The following MACROD2 variants were observed in gnomAD, a reference collection of about 807,000 sequenced individuals.
The protein encoded by MACROD2 is ADP-ribose glycohydrolase MACROD2.
Under a neutral mutation model 70.4 loss-of-function variants are expected in MACROD2, and 36 were observed. The ratio of observed to expected loss-of-function variants is 0.51; its 90% CI spans 0.39 to 0.68. The LOEUF (loss-of-function observed/expected upper bound fraction) is 0.68, where lower values mean the gene tolerates loss of function less well. Among genes scored for constraint, MACROD2 ranks in the 30% least tolerant of loss-of-function variants. The probability of loss-of-function intolerance (pLI) is 0.00; values close to 1 mark genes in which losing one functional copy is unlikely to be tolerated. For synonymous variants in MACROD2, 172 were observed against 178.8 expected (o/e 0.96, Z 0.30); for missense variants, 496 against 538.4 (o/e 0.92, Z 0.78).
At position 14,777,574 on chromosome 20, in the gene MACROD2, A is replaced by G. The variant is rs2072249754; in HGVS notation, c.418+92615A>G. Among the ~76,000 whole-genome samples, 4 of 152,046 alleles carry G rather than the reference A, an allele frequency of 2.6e-5. No individual in the cohort carries two copies. The South Asian group carries it at 8.3e-4, about 32-fold the overall frequency. On this transcript the variant is annotated intron_variant, in intron 5 of 17. Transcript: ENST00000684519. ...CTGAAATGAGTTTGAAAGCAGCCCG[A>G]TTCATATAGACCACACAAGTAAGAA... is the stretch of plus-strand genomic sequence containing the variant.
chr20:15,940,787 C>T (rs967671808), intron 12 of MACROD2, among the ~76,000 whole-genome samples: 2 of 152,168 alleles, frequency 1.3e-5, no homozygotes, highest in African/African-American at 4.8e-5. Context: ...AACCCTAGGT[C>T]ATCTTAGAGA....
chr20:14,846,606 C>T (rs1696411076), intron 5 of MACROD2, among the ~76,000 whole-genome samples: 1 of 151,402 alleles, frequency 6.6e-6, no homozygotes, highest in South Asian at 2.1e-4. Context: ...CAAGCTCTGC[C>T]TCCCGGGTTC....
At chr20:15,108,897 A>G (rs2075932843) in intron 5 of MACROD2, among the ~76,000 whole-genome samples, 4 of 151,824 alleles carry the variant, frequency 2.6e-5, no homozygotes, top group African/African-American at 9.7e-5. Context: ...TTACACAACT[A>G]GTGAGTGACA....
At chr20:16,015,525 G>A (rs1015520848) in intron 15 of MACROD2, among the ~76,000 whole-genome samples, 2 of 152,106 alleles carry the variant, frequency 1.3e-5, no homozygotes, top group Non-Finnish European at 2.9e-5. Flanking sequence ...ATTTTTCCAT[G>A]TAAATTTTAT....
rs554552947 is a variant in MACROD2, at chr20:15,994,141, T to C, written c.1153+6983T>C. ...ATACATTTGATAGACAGTGATAAAA[T>C]ACTAGGGTAGTATCAGAGTAGGGCA... On this transcript the variant is annotated intron_variant, in intron 15 of 17. Transcript: ENST00000684519. Among the ~76,000 whole-genome samples, 9 of 152,352 alleles carry C rather than the reference T, an allele frequency of 5.9e-5. No individual in the cohort carries two copies. In the South Asian group the frequency reaches 1.7e-3, roughly 28 times the overall value.
intron 3 of MACROD2, among the ~76,000 whole-genome samples, chr20:14,349,485 T>TTA (rs2083098777): frequency 6.7e-6 from 1 of 149,260 alleles, no homozygotes; most frequent in African/African-American, 2.4e-5. Flanking sequence ...CATTCTTCTT[T>TTA]TATATATATA....
At chr20:15,389,258 TACTG>T (rs1304148964) in intron 6 of MACROD2, among the ~76,000 whole-genome samples, 1 of 152,176 alleles carries the variant, frequency 6.6e-6, no homozygotes, top group Non-Finnish European at 1.5e-5. Context: ...GTATAGCTGT[TACTG>T]AAGAAGAGAG....
chr20:14,536,316 G>C (rs1042668635), intron 4 of MACROD2, among the ~76,000 whole-genome samples: 5 of 152,120 alleles, frequency 3.3e-5, no homozygotes, highest in Non-Finnish European at 4.4e-5. Context: ...TATGTCTCAA[G>C]TGGAGGAGTT....
At chr20:15,816,590 A>G (rs1188943111) in intron 8 of MACROD2, among the ~76,000 whole-genome samples, 1 of 152,222 alleles carries the variant, frequency 6.6e-6, no homozygotes, top group African/African-American at 2.4e-5. Flanking sequence ...ATAGCTTATC[A>G]AAAGACCTTG....
chr20:14,522,020 T>G (rs1294582474), intron 4 of MACROD2, among the ~76,000 whole-genome samples: 1 of 152,120 alleles, frequency 6.6e-6, no homozygotes, highest in Non-Finnish European at 1.5e-5. Context: ...TCTAGGGGGT[T>G]AATGAAGCCT....
At chr20:14,992,565 T>C (rs1331948579) in intron 5 of MACROD2, among the ~76,000 whole-genome samples, 1 of 152,200 alleles carries the variant, frequency 6.6e-6, no homozygotes, top group Non-Finnish European at 1.5e-5. Context: ...CAAAGTAATG[T>C]GATATGGCCT....
intron 4 of MACROD2, among the ~76,000 whole-genome samples, chr20:14,628,149 G>T (rs960943364): frequency 6.6e-6 from 1 of 152,182 alleles, no homozygotes; most frequent in African/African-American, 2.4e-5. Context: ...TTGGAGAAAA[G>T]AAAACACTTC....
At chr20:14,458,929 G>T (rs2123009132) in intron 3 of MACROD2, among the ~76,000 whole-genome samples, 2 of 152,134 alleles carry the variant, frequency 1.3e-5, no homozygotes, top group Middle Eastern at 3.4e-3. Flanking sequence ...TCTTTGAATT[G>T]TAGACTAGTT....
At chr20:14,010,794 C>G (rs1206822814) in intron 2 of MACROD2, among the ~76,000 whole-genome samples, 3 of 152,062 alleles carry the variant, frequency 2.0e-5, no homozygotes, top group Non-Finnish European at 4.4e-5. Context: ...ACCCTTCACC[C>G]CCTACCCTTT....
chr20:15,506,623 A>G (rs6079858), intron 8 of MACROD2, among the ~76,000 whole-genome samples: 105 of 152,348 alleles, frequency 6.9e-4, no homozygotes, highest in Non-Finnish European at 1.2e-3. Flanking sequence ...TATGTCTCTG[A>G]CATGAAACGC....
chr20:16,001,259 T>C lies in MACROD2; in HGVS notation c.1153+14101T>C, dbSNP rs145249387. 6.3e-3 allele frequency among the ~76,000 whole-genome samples: 962 copies of C among 152,324 alleles called. 10 individuals carry two copies. The highest frequency in any genetic ancestry group is 0.022 in the African/African-American group (923 of 41,562). ...ATTATTTTTTTCATCGATTTCACCA[T>C]GAGGATTTACCTTTCAATGTGTTTT... On this transcript the variant is annotated intron_variant, in intron 15 of 17. Coordinates refer to ENST00000684519, the MANE Select transcript of MACROD2 (RefSeq NM_001351661.2).
intron 5 of MACROD2, among the ~76,000 whole-genome samples, chr20:15,005,613 C>T (rs1334886910): frequency 6.6e-6 from 1 of 152,292 alleles, no homozygotes; most frequent in Non-Finnish European, 1.5e-5. Context: ...CCTTTATCCC[C>T]CACAAGGTAG....
intron 4 of MACROD2, among the ~76,000 whole-genome samples, chr20:14,626,511 T>G (rs1172624655): frequency 6.6e-6 from 1 of 152,130 alleles, no homozygotes; most frequent in Non-Finnish European, 1.5e-5. Flanking sequence ...TAGGGACATT[T>G]TTTGCTTTCC....
At chr20:15,486,360 A>G (rs1727250097) in intron 7 of MACROD2, among the ~76,000 whole-genome samples, 1 of 152,170 alleles carries the variant, frequency 6.6e-6, no homozygotes, top group African/African-American at 2.4e-5. Flanking sequence ...GCTTTCTTAT[A>G]TCTTTCAGCT....
Sources: allele counts gnomAD v4.1 joint callset (sites outside exome capture counted in the v4.1 genomes callset), GRCh38; gene constraint gnomAD v4.1.1; transcripts MANE v1.5; gene names NCBI Gene and HGNC (gene_info 2026-07-23, HGNC 2026-07-21).